Variants in NTRK2 observed in about 807,000 individuals in gnomAD.
NTRK2 encodes the protein neurotrophic receptor tyrosine kinase 2.
In NTRK2, 13 loss-of-function variants were observed where a neutral mutation model predicts 94.5. The ratio of observed to expected loss-of-function variants is 0.14; its 90% CI spans 0.09 to 0.22. The LOEUF (loss-of-function observed/expected upper bound fraction) is 0.22, where lower values mean the gene tolerates loss of function less well. NTRK2 is among the 10% of genes least tolerant of loss of function. NTRK2 has a pLI of 1.00. For missense variants in NTRK2, 639 were observed against 1,071.2 expected, an observed-to-expected ratio of 0.60 and a Z score of 5.63; for synonymous variants, 372 against 407.4, an observed-to-expected ratio of 0.91 and a Z score of 1.05.
chr9:84,926,106 T>TTCCCTTCCTTCC (rs1564470625), intron 14 of NTRK2, among the ~76,000 whole-genome samples: 2 of 108,782 alleles, frequency 1.8e-5, no homozygotes, highest in African/African-American at 7.8e-5. Flanking sequence ...CCTTCCTTCC[T>TTCCCTTCCTTCC]TTCCTTCCTT....
chr9:84,833,468 A>G (rs1200911803), intron 12 of NTRK2, among the ~76,000 whole-genome samples: 1 of 151,842 alleles, frequency 6.6e-6, no homozygotes, highest in Non-Finnish European at 1.5e-5. Flanking sequence ...GGAAGGAAGG[A>G]AAAAAGGAAG....
At chr9:84,922,404 T>A (rs1276478093) in intron 14 of NTRK2, among the ~76,000 whole-genome samples, 1 of 152,224 alleles carries the variant, frequency 6.6e-6, no homozygotes, top group African/African-American at 2.4e-5. Flanking sequence ...ACCCAGTATT[T>A]TTTACGTGTG....
intron 6 of NTRK2, among the ~76,000 whole-genome samples, chr9:84,715,047 T>C (rs1446896725): frequency 6.6e-6 from 1 of 152,206 alleles, no homozygotes; most frequent in Non-Finnish European, 1.5e-5. Context: ...ATCATAGAGA[T>C]ATTATATGGA....
intron 14 of NTRK2, among the ~76,000 whole-genome samples, chr9:84,881,798 C>G (rs2076262209): frequency 6.6e-6 from 1 of 152,216 alleles, no homozygotes; most frequent in Non-Finnish European, 1.5e-5. Flanking sequence ...CTTGCTCTTT[C>G]TGTCCCACCT....
intron 13 of NTRK2, among the ~76,000 whole-genome samples, chr9:84,866,412 A>G (rs1201938781): frequency 6.6e-6 from 1 of 152,236 alleles, no homozygotes; most frequent in East Asian, 1.9e-4. Flanking sequence ...GTCCAAAGAA[A>G]GTAAGTGACT....
At chr9:84,871,983 T>G in intron 14 of NTRK2, 1 of 1,552,650 alleles carries the variant, frequency 6.4e-7, no homozygotes, top group Non-Finnish European at 8.7e-7. Flanking sequence ...AGAAGTTGCC[T>G]TTCCAAGACA....
At chr9:84,991,027 G>A (rs1034177843) in intron 17 of NTRK2, among the ~76,000 whole-genome samples, 3 of 152,294 alleles carry the variant, frequency 2.0e-5, no homozygotes, top group Non-Finnish European at 1.5e-5. Flanking sequence ...ACACTGGGTA[G>A]GAGCAGGCTG....
At chr9:84,958,641 C>G (rs533188881) in intron 17 of NTRK2, among the ~76,000 whole-genome samples, 9 of 152,222 alleles carry the variant, frequency 5.9e-5, no homozygotes, top group Admixed American at 3.9e-4. Context: ...AAAGAACCAG[C>G]CTTGCAATGG....
At chr9:84,770,153 AAC>A (rs35363257) in intron 12 of NTRK2, among the ~76,000 whole-genome samples, 3,267 of 136,600 alleles carry the variant, frequency 0.024, 38 homozygotes, top group Middle Eastern at 0.069. Context: ...TGTGCATGAG[AAC>A]ACACACACAC....
intron 2 of NTRK2, among the ~76,000 whole-genome samples, chr9:84,693,776 T>C (rs954737727): frequency 6.6e-5 from 10 of 152,232 alleles, no homozygotes; most frequent in Non-Finnish European, 1.5e-4. Context: ...TCTCAGGTCA[T>C]ATAGCCAGTA....
Position 84,675,545 on chromosome 9 carries a change from C to T in NTRK2, c.212+4585C>T, listed in dbSNP as rs187410576. Among the ~76,000 whole-genome samples, 381 of 152,114 alleles carry T rather than the reference C, an allele frequency of 2.5e-3. 1 individual carries two copies. The highest frequency in any genetic ancestry group is 9.0e-3 in the African/African-American group (372 of 41,506). The stretch of plus-strand genomic sequence containing the variant: ...AGGATGTGACATGAAAGACCTGCCC[C>T]TTGGAACAATGCCAATTTTTAGTTG... On this transcript the variant is annotated intron_variant, in intron 2 of 18. Transcript: ENST00000277120.
intron 2 of NTRK2, among the ~76,000 whole-genome samples, chr9:84,691,551 C>A (rs1044996207): frequency 2.0e-5 from 3 of 152,034 alleles, no homozygotes; most frequent in African/African-American, 7.2e-5. Context: ...CTTTGAAAAC[C>A]AAACAAGCAG....
At chr9:85,011,363 G>A (rs1831552844) in intron 17 of NTRK2, among the ~76,000 whole-genome samples, 2 of 152,136 alleles carry the variant, frequency 1.3e-5, no homozygotes, top group African/African-American at 4.8e-5. Flanking sequence ...CGAGGAGAGT[G>A]TTATAAACTG....
At chr9:84,774,874 G>T (rs2066881949) in intron 12 of NTRK2, among the ~76,000 whole-genome samples, 1 of 152,072 alleles carries the variant, frequency 6.6e-6, no homozygotes, top group South Asian at 2.1e-4. Flanking sequence ...GGTAGAGAGA[G>T]GATGAAGAGA....
At chr9:84,772,457 A>G (rs974187004) in intron 12 of NTRK2, among the ~76,000 whole-genome samples, 1 of 152,170 alleles carries the variant, frequency 6.6e-6, no homozygotes, top group African/African-American at 2.4e-5. Flanking sequence ...CATGTTGGCC[A>G]GGCTGGTTTC....
chr9:84,672,405 A>G (rs1386834696), intron 2 of NTRK2, among the ~76,000 whole-genome samples: 1 of 152,120 alleles, frequency 6.6e-6, no homozygotes, highest in Non-Finnish European at 1.5e-5. Flanking sequence ...TAGGGCCCCA[A>G]CTGTGGTGGT....
chr9:84,832,963 G>A (rs998601482), intron 12 of NTRK2, among the ~76,000 whole-genome samples: 2 of 152,142 alleles, frequency 1.3e-5, no homozygotes, highest in African/African-American at 4.8e-5. Context: ...ACTCTATGGA[G>A]CCTTGAGAAG....
At chr9:84,915,572 C>T (rs540796672) in intron 14 of NTRK2, among the ~76,000 whole-genome samples, 2 of 152,216 alleles carry the variant, frequency 1.3e-5, no homozygotes, top group South Asian at 2.1e-4. Context: ...GATGCTGACA[C>T]GATTGTTCTT....
At chr9:84,696,730 C>T (rs1157104996) in intron 2 of NTRK2, among the ~76,000 whole-genome samples, 5 of 152,124 alleles carry the variant, frequency 3.3e-5, no homozygotes, top group Admixed American at 3.3e-4. Flanking sequence ...GCATGCCAAC[C>T]GATGGAATAA....
Sources: gnomAD v4.1 joint callset for allele counts (sites outside exome capture counted in the v4.1 genomes callset) on GRCh38, gnomAD v4.1.1 for gene constraint, MANE v1.5 for transcripts, NCBI Gene and HGNC (gene_info 2026-07-23, HGNC 2026-07-21) for gene names.